ANK3: variants seen among roughly 807,000 people sequenced by gnomAD.
ANK3 encodes ankyrin-3.
ANK3 carries 57 observed loss-of-function variants against 370.9 expected under a neutral mutation model. The observed-to-expected ratio is 0.15, with a 90% CI of 0.12 to 0.19. The LOEUF is 0.19. ANK3 is among the 10% of genes least tolerant of loss of function. The pLI is 1.00. For synonymous variants in ANK3, 1,929 were observed against 1,946.3 expected, an observed-to-expected ratio of 0.99 and a Z score of 0.23; for missense variants, 4,439 against 5,302.1, an observed-to-expected ratio of 0.84 and a Z score of 5.06.
intron 1 of ANK3, among the ~76,000 whole-genome samples, chr10:60,700,269 C>T (rs2079528668): frequency 6.6e-6 from 1 of 152,130 alleles, no homozygotes; most frequent in South Asian, 2.1e-4. Flanking sequence ...AGCAATAATT[C>T]TCAATTTTCC....
intron 2 of ANK3, among the ~76,000 whole-genome samples, chr10:60,604,664 C>T (rs1056222145): frequency 4.6e-5 from 7 of 151,960 alleles, no homozygotes; most frequent in African/African-American, 1.7e-4. Flanking sequence ...CCTAAATTTG[C>T]AAAAAGTAAA....
At chr10:60,519,486 C>T (rs2076300285) in intron 2 of ANK3, among the ~76,000 whole-genome samples, 1 of 152,142 alleles carries the variant, frequency 6.6e-6, no homozygotes, top group Admixed American at 6.6e-5. Context: ...AATTGAACTG[C>T]AAAATACCTT....
intron 2 of ANK3, among the ~76,000 whole-genome samples, chr10:60,555,503 T>A (rs982787879): frequency 6.6e-6 from 1 of 151,778 alleles, no homozygotes; most frequent in Non-Finnish European, 1.5e-5. Context: ...AAAAAGAAAT[T>A]ACAAAATTTT....
intron 2 of ANK3, among the ~76,000 whole-genome samples, chr10:60,446,945 T>A (rs1329444443): frequency 6.6e-6 from 1 of 152,206 alleles, no homozygotes; most frequent in Non-Finnish European, 1.5e-5. Flanking sequence ...ACTCTGGGTC[T>A]TGTATGTAAG....
At chr10:60,525,666 G>A (rs2076451560) in intron 2 of ANK3, among the ~76,000 whole-genome samples, 1 of 152,068 alleles carries the variant, frequency 6.6e-6, no homozygotes, top group Non-Finnish European at 1.5e-5. Flanking sequence ...CAATATAAAA[G>A]GATTCCTGTC....
intron 2 of ANK3, among the ~76,000 whole-genome samples, chr10:60,453,729 C>A (rs538529783): frequency 7.2e-5 from 11 of 151,860 alleles, no homozygotes; most frequent in Non-Finnish European, 1.6e-4. Context: ...AACACACAGG[C>A]ACACACACAC....
intron 42 of ANK3, among the ~76,000 whole-genome samples, chr10:60,045,334 T>C (rs1335788877): frequency 1.3e-5 from 2 of 152,322 alleles, no homozygotes; most frequent in South Asian, 2.1e-4. Flanking sequence ...GTTTTAAAAA[T>C]AGAATACATT....
chr10:60,223,861 A>C (rs1042326544), intron 8 of ANK3, among the ~76,000 whole-genome samples: 3 of 152,284 alleles, frequency 2.0e-5, no homozygotes, highest in African/African-American at 4.8e-5. Flanking sequence ...TAATAAGCGT[A>C]ATAAAAGAGC....
Position 60,578,793 on chromosome 10 carries a change from C to T in ANK3, c.96+36393G>A, listed in dbSNP as rs547670664. Among the ~76,000 whole-genome samples, 12 of 152,208 alleles carry T rather than the reference C, an allele frequency of 7.9e-5. No homozygotes were observed. The South Asian group carries it at 2.5e-3, about 32-fold the overall frequency. ...ACTATCAAGACCCTTATTTGTTCATCTCCTAAAATAAAAGGGATTAGAAAA... is the reference window on the plus strand; with the variant it reads ...ACTATCAAGACCCTTATTTGTTCATTTCCTAAAATAAAAGGGATTAGAAAA... On this transcript the variant is annotated intron_variant, in intron 2 of 43. Transcript: ENST00000373827.
intron 2 of ANK3, among the ~76,000 whole-genome samples, chr10:60,513,181 T>C (rs981814906): frequency 2.0e-5 from 3 of 152,108 alleles, no homozygotes; most frequent in African/African-American, 7.2e-5. Context: ...ATTTCTAGCA[T>C]CTAAAATAGT....
chr10:60,208,261 A>T (rs780995769), intron 9 of ANK3, 28 bp from the exon 10 acceptor site: 27 of 1,600,854 alleles, frequency 1.7e-5, no homozygotes, highest in Non-Finnish European at 2.0e-5. Context: ...ATCAGAGTTC[A>T]TTCTTTTACC....
At chr10:60,466,078 G>A (rs2065006434) in intron 2 of ANK3, among the ~76,000 whole-genome samples, 1 of 151,958 alleles carries the variant, frequency 6.6e-6, no homozygotes, top group Non-Finnish European at 1.5e-5. Flanking sequence ...CACTCTCTTC[G>A]TTTCTCTTGA....
intron 1 of ANK3, among the ~76,000 whole-genome samples, chr10:60,347,524 CTG>C (rs1347906001): frequency 2.6e-5 from 4 of 152,030 alleles, no homozygotes; most frequent in Non-Finnish European, 2.9e-5. Flanking sequence ...CTCTGAATCT[CTG>C]TTTCCTCATC....
intron 2 of ANK3, among the ~76,000 whole-genome samples, chr10:60,462,136 T>C (rs1389232520): frequency 6.6e-6 from 1 of 152,060 alleles, no homozygotes; most frequent in East Asian, 1.9e-4. Context: ...TTTTCCATGA[T>C]TGGAAGGCCA....
intron 30 of ANK3, 133 bp downstream of exon 30, chr10:60,086,544 A>G: frequency 1.3e-6 from 1 of 741,406 alleles, no homozygotes; most frequent in Non-Finnish European, 2.1e-6. Flanking sequence ...GACAAGTAAA[A>G]TGTTTTGTTC....
At chr10:60,588,210 A>G (rs1450716671) in intron 2 of ANK3, among the ~76,000 whole-genome samples, 4 of 139,678 alleles carry the variant, frequency 2.9e-5, no homozygotes, top group African/African-American at 1.1e-4. Flanking sequence ...TTTGAGATGG[A>G]TTCTCACTTT....
chr10:60,301,842 A>G (rs1386606912), intron 1 of ANK3, among the ~76,000 whole-genome samples: 1 of 152,244 alleles, frequency 6.6e-6, no homozygotes, highest in Non-Finnish European at 1.5e-5. Context: ...TTACACAAGA[A>G]TCAGAGCCCT....
intron 1 of ANK3, among the ~76,000 whole-genome samples, chr10:60,728,420 C>T (rs567880344): frequency 6.6e-5 from 10 of 151,228 alleles, no homozygotes; most frequent in Non-Finnish European, 1.5e-4. Context: ...TCTGAGAAAA[C>T]GAAATCATTT....
chr10:60,153,845 T>C (rs1041700129), intron 23 of ANK3, among the ~76,000 whole-genome samples: 1 of 152,176 alleles, frequency 6.6e-6, no homozygotes, highest in African/African-American at 2.4e-5. Context: ...AAACATAGCC[T>C]AGGACTGTCT....
Sources: gnomAD v4.1 joint callset for allele counts (sites outside exome capture counted in the v4.1 genomes callset) on GRCh38, gnomAD v4.1.1 for gene constraint, MANE v1.5 for transcripts, NCBI Gene and HGNC (gene_info 2026-07-23, HGNC 2026-07-21) for gene names.